Variants in DLGAP1 observed in about 807,000 individuals in gnomAD.
DLGAP1 encodes the protein DLG associated protein 1.
A neutral mutation model predicts 90.8 loss-of-function variants in DLGAP1; 11 were observed. The observed-to-expected ratio is 0.12, with a 90% confidence interval of 0.08 to 0.20. DLGAP1 has a LOEUF of 0.20. Among genes scored for constraint, DLGAP1 ranks in the 10% least tolerant of loss-of-function variants. The probability of loss-of-function intolerance (pLI) is 1.00; values close to 1 mark genes in which losing one functional copy is unlikely to be tolerated. For synonymous variants in DLGAP1, 558 were observed against 540.7 expected (o/e 1.03, Z -0.44); for missense variants, 1,050 against 1,333.8 (o/e 0.79, Z 3.31).
intron 7 of DLGAP1, among the ~76,000 whole-genome samples, chr18:3,651,324 A>C (rs1040374291): frequency 3.9e-5 from 6 of 152,128 alleles, no homozygotes; most frequent in Non-Finnish European, 4.4e-5. Context: ...GTGCCGCTGC[A>C]CTCTAGCCTG....
chr18:3,574,021 C>A (rs1355814505), intron 8 of DLGAP1, among the ~76,000 whole-genome samples: 4 of 152,168 alleles, frequency 2.6e-5, no homozygotes, highest in African/African-American at 7.2e-5. Flanking sequence ...AGATTTAATA[C>A]TCCCTCTTGC....
chr18:3,500,484 T>A (rs2049872415), intron 12 of DLGAP1, among the ~76,000 whole-genome samples: 1 of 152,228 alleles, frequency 6.6e-6, no homozygotes, highest in African/African-American at 2.4e-5. Context: ...TTAACACCAA[T>A]GCTCAGCACA....
At chr18:4,451,677 G>A (rs1025780073) in intron 1 of DLGAP1, among the ~76,000 whole-genome samples, 8 of 152,132 alleles carry the variant, frequency 5.3e-5, no homozygotes, top group African/African-American at 1.9e-4. Context: ...TCTTTTGAGG[G>A]ACACTGTAGT....
rs1432686187 is a variant in DLGAP1, at chr18:3,772,217, TC to T, written c.1173-29706del. 4.2e-3 allele frequency among the ~76,000 whole-genome samples: 620 copies of T among 146,830 alleles called. 8 individuals are homozygous for T. The highest frequency in any genetic ancestry group is 0.015 in the African/African-American group (591 of 39,750). ...TTCTCTTCTTCTCTCCTTTTCTTTC[TC>T]TCTTTCTTTTCTTTCTCTCCTTCCT... is the stretch of plus-strand genomic sequence containing the variant. On this transcript the variant is annotated intron_variant, in intron 5 of 12. Transcript: ENST00000315677.
At chr18:4,188,207 T>C (rs992682462) in intron 1 of DLGAP1, among the ~76,000 whole-genome samples, 1 of 152,174 alleles carries the variant, frequency 6.6e-6, no homozygotes, top group African/African-American at 2.4e-5. Context: ...ACTCTGTCAT[T>C]ACTTTTCTTT....
Position 4,333,495 on chromosome 18 carries a change from A to T in DLGAP1, c.-267+121511T>A, listed in dbSNP as rs1357382257. On this transcript the variant is annotated intron_variant, in intron 1 of 12. Coordinates refer to ENST00000315677, the MANE Select transcript of DLGAP1 (RefSeq NM_004746.4). ...TGTCACTATCAATAGAGAGAGAGAA[A>T]TAATTCGTGGTCATTTGTTATAATG... Among the ~76,000 whole-genome samples the T allele has an allele frequency of 2.6e-5, 4 of 151,736 alleles. No homozygotes were observed. In the East Asian group the frequency reaches 7.7e-4, roughly 29 times the overall value.
intron 3 of DLGAP1, among the ~76,000 whole-genome samples, chr18:3,920,352 CAAAAAAA>C (rs34353326): frequency 1.3e-5 from 1 of 75,534 alleles, no homozygotes. Flanking sequence ...AGACTCTGTC[CAAAAAAA>C]AAAAAAAAAA....
intron 7 of DLGAP1, among the ~76,000 whole-genome samples, chr18:3,601,000 A>G (rs1271655541): frequency 7.6e-6 from 1 of 132,430 alleles, no homozygotes; most frequent in African/African-American, 3.1e-5. Context: ...ATATAGATAT[A>G]TAGATATAGA....
At chr18:3,511,857 C>T (rs1019253442) in intron 10 of DLGAP1, among the ~76,000 whole-genome samples, 4 of 152,220 alleles carry the variant, frequency 2.6e-5, no homozygotes, top group African/African-American at 9.7e-5. Context: ...TAGAGAATGA[C>T]TATTTCAGTC....
rs143543703 is a variant in DLGAP1, at chr18:4,195,644, C to T, written c.-266-44357G>A. On this transcript the variant is annotated intron_variant, in intron 1 of 12. Coordinates refer to ENST00000315677, the MANE Select transcript of DLGAP1 (RefSeq NM_004746.4). Reference sequence around the variant, plus strand: ...TCAGCTCACAGCAACCTCTGCCTCCCGGGTTCAAGAGAATCTCCTGCCTCA... The same window carrying T: ...TCAGCTCACAGCAACCTCTGCCTCCTGGGTTCAAGAGAATCTCCTGCCTCA... Among the ~76,000 whole-genome samples the T allele has an allele frequency of 1.4e-3, 212 of 152,214 alleles. 1 individual carries two copies. Among genetic ancestry groups the T allele is most frequent in the African/African-American group, 3.9e-3 (163 of 41,538 alleles).
At chr18:4,045,433 A>C (rs900476631) in intron 2 of DLGAP1, among the ~76,000 whole-genome samples, 1 of 33,016 alleles carries the variant, frequency 3.0e-5, no homozygotes. Flanking sequence ...CCATCTCTAC[A>C]AAAAAAAAAA....
intron 1 of DLGAP1, among the ~76,000 whole-genome samples, chr18:4,262,723 C>A (rs962639984): frequency 2.6e-5 from 4 of 152,112 alleles, no homozygotes; most frequent in African/African-American, 9.7e-5. Flanking sequence ...TGGGTTTGAA[C>A]CACCCTCAGT....
At chr18:4,099,295 TCATCTATCTATC>T (rs1217416488) in intron 2 of DLGAP1, among the ~76,000 whole-genome samples, 4 of 140,556 alleles carry the variant, frequency 2.8e-5, no homozygotes, top group Non-Finnish European at 3.1e-5. Flanking sequence ...TATCTGTCTA[TCATCTATCTATC>T]TATCTATCTA....
intron 4 of DLGAP1, chr18:3,845,297 T>A (rs780064440): frequency 6.2e-7 from 1 of 1,612,214 alleles, no homozygotes; most frequent in Non-Finnish European, 8.5e-7. Flanking sequence ...CATCTCAGCT[T>A]TGATTTGGTA....
chr18:4,114,019 T>C (rs2076018289), intron 2 of DLGAP1, among the ~76,000 whole-genome samples: 1 of 151,106 alleles, frequency 6.6e-6, no homozygotes, highest in South Asian at 2.1e-4. Context: ...TGTAGCCTTA[T>C]AGTATAGTTT....
intron 2 of DLGAP1, among the ~76,000 whole-genome samples, chr18:4,143,965 T>C (rs1158425200): frequency 6.6e-6 from 1 of 152,064 alleles, no homozygotes; most frequent in Non-Finnish European, 1.5e-5. Context: ...ACTGTGGTTG[T>C]GCTGGTATCT....
chr18:3,671,350 T>C (rs2060083957), intron 7 of DLGAP1, among the ~76,000 whole-genome samples: 1 of 152,158 alleles, frequency 6.6e-6, no homozygotes, highest in African/African-American at 2.4e-5. Context: ...GTATAAACAC[T>C]ACAAGAAAAA....
At chr18:3,717,383 C>T (rs4798110) in intron 7 of DLGAP1, among the ~76,000 whole-genome samples, 41,243 of 151,890 alleles carry the variant, frequency 0.27, 6,311 homozygotes, top group South Asian at 0.34. Flanking sequence ...TTCACCTCCA[C>T]GGGGCTTTGG....
chr18:4,231,325 T>G (rs1426827036), intron 1 of DLGAP1, among the ~76,000 whole-genome samples: 1 of 152,122 alleles, frequency 6.6e-6, no homozygotes, highest in Non-Finnish European at 1.5e-5. Context: ...CAAAATCAAT[T>G]TTCATACTTC....
Sources: gnomAD v4.1 joint callset for allele counts (sites outside exome capture counted in the v4.1 genomes callset) on GRCh38, gnomAD v4.1.1 for gene constraint, MANE v1.5 for transcripts, NCBI Gene and HGNC (gene_info 2026-07-23, HGNC 2026-07-21) for gene names.